Variants in WDPCP observed in about 807,000 individuals in gnomAD.
WDPCP encodes the protein WD repeat-containing and planar cell polarity effector protein fritz homolog.
In WDPCP, 71 loss-of-function variants were observed where a neutral mutation model predicts 93.1. The ratio of observed to expected loss-of-function variants is 0.76; its 90% confidence interval spans 0.63 to 0.93. The LOEUF (loss-of-function observed/expected upper bound fraction) is 0.93. Ranked by LOEUF, WDPCP falls within the 40% of genes least tolerant of loss-of-function variation. WDPCP has a pLI of 0.00. For synonymous variants in WDPCP, 315 were observed against 315.0 expected (o/e 1.00, Z 0.00); for missense variants, 844 against 887.4 (o/e 0.95, Z 0.62).
At chr2:63,236,369 G>C (rs989229722) in intron 14 of WDPCP, among the ~76,000 whole-genome samples, 1 of 152,152 alleles carries the variant, frequency 6.6e-6, no homozygotes, top group Admixed American at 6.5e-5. Context: ...GCATGGATTG[G>C]AAGAATTAAT....
chr2:63,349,202 T>C (rs1689408227), intron 12 of WDPCP, among the ~76,000 whole-genome samples: 1 of 152,196 alleles, frequency 6.6e-6, no homozygotes, highest in Non-Finnish European at 1.5e-5. Context: ...GGTTTTTTTT[T>C]CTAGAAATAT....
chr2:63,213,517 A>G (rs896010945), intron 14 of WDPCP, among the ~76,000 whole-genome samples: 1 of 152,216 alleles, frequency 6.6e-6, no homozygotes, highest in Non-Finnish European at 1.5e-5. Flanking sequence ...CACAAGAGAA[A>G]GCAGGAAAGA....
intron 1 of WDPCP, among the ~76,000 whole-genome samples, chr2:63,550,779 GTACATATATATGTATATATATATATACA>G (rs1334480500): frequency 1.1e-5 from 1 of 91,670 alleles, no homozygotes; most frequent in Non-Finnish European, 2.0e-5. Flanking sequence ...ATGTGCATAT[GTACATATATATGTATATATATATATACA>G]CACCCATAGA....
intron 1 of WDPCP, among the ~76,000 whole-genome samples, chr2:63,816,169 A>G (rs925481103): frequency 6.6e-6 from 1 of 152,216 alleles, no homozygotes; most frequent in African/African-American, 2.4e-5. Flanking sequence ...CACATTTTAT[A>G]TTAAGATAAT....
At chr2:63,681,876 G>C (rs1215085361) in intron 2 of WDPCP, among the ~76,000 whole-genome samples, 1 of 152,168 alleles carries the variant, frequency 6.6e-6, no homozygotes, top group Non-Finnish European at 1.5e-5. Context: ...AGTAAAGGAA[G>C]AGAACAAGAG....
At chr2:63,260,738 C>G (rs948465626) in intron 13 of WDPCP, among the ~76,000 whole-genome samples, 1 of 152,032 alleles carries the variant, frequency 6.6e-6, no homozygotes, top group Admixed American at 6.6e-5. Flanking sequence ...TTAGTAGAGA[C>G]GGGGTTTCAC....
In WDPCP at chr2:63,293,382, C is replaced by T. The variant is rs143176091; in HGVS notation, c.1812+19866G>A. Among the ~76,000 whole-genome samples, 156 of 152,102 alleles carry T rather than the reference C, an allele frequency of 1.0e-3. 5 individuals carry two copies. The East Asian group carries it at 0.015, about 15-fold the overall frequency. On this transcript the variant is annotated intron_variant, in intron 13 of 17. Coordinates refer to ENST00000272321, the MANE Select transcript of WDPCP (RefSeq NM_015910.7). Reference sequence around the variant, plus strand: ...TAAAACAATTGTAAAAACCCTAAAACGGTAATAAAAAACAGCAAACCCTGG... The same window carrying T: ...TAAAACAATTGTAAAAACCCTAAAATGGTAATAAAAAACAGCAAACCCTGG...
At chr2:63,252,744 C>T (rs912098899) in intron 14 of WDPCP, among the ~76,000 whole-genome samples, 1 of 151,826 alleles carries the variant, frequency 6.6e-6, no homozygotes, top group African/African-American at 2.4e-5. Flanking sequence ...TACAAAATAC[C>T]GCTGAAAGAA....
intron 1 of WDPCP, among the ~76,000 whole-genome samples, chr2:63,549,006 T>TA (rs993277880): frequency 1.3e-5 from 2 of 152,066 alleles, no homozygotes; most frequent in African/African-American, 4.8e-5. Flanking sequence ...CCCAGCATTT[T>TA]AGGAGGCAGA....
chr2:63,671,526 C>T (rs1226577151), intron 2 of WDPCP, among the ~76,000 whole-genome samples: 1 of 152,224 alleles, frequency 6.6e-6, no homozygotes, highest in African/African-American at 2.4e-5. Flanking sequence ...CATTTTCTTT[C>T]ACAAGTGGTC....
intron 2 of WDPCP, among the ~76,000 whole-genome samples, chr2:63,489,481 G>C (rs374841275): frequency 2.0e-5 from 3 of 152,082 alleles, no homozygotes; most frequent in African/African-American, 7.2e-5. Context: ...ACCTAAAGCA[G>C]AACTTGGCTT....
chr2:63,192,439 AG>A (rs1432757262), intron 14 of WDPCP, among the ~76,000 whole-genome samples: 3 of 152,322 alleles, frequency 2.0e-5, no homozygotes, highest in African/African-American at 7.2e-5. Flanking sequence ...GTTGCTAGGT[AG>A]GTAGGATAGA....
intron 3 of WDPCP, among the ~76,000 whole-genome samples, chr2:63,610,710 T>C (rs1709605334): frequency 6.6e-6 from 1 of 152,222 alleles, no homozygotes; most frequent in Non-Finnish European, 1.5e-5. Context: ...AATATATGTG[T>C]GTGCATGTAA....
At chr2:63,750,389 A>T (rs1007328115) in intron 2 of WDPCP, among the ~76,000 whole-genome samples, 2 of 152,068 alleles carry the variant, frequency 1.3e-5, no homozygotes, top group African/African-American at 2.4e-5. Flanking sequence ...ATTTTGGTTT[A>T]TTTCACGCAC....
chr2:63,574,988 T>C (rs540801702), intron 1 of WDPCP, among the ~76,000 whole-genome samples: 403 of 152,294 alleles, frequency 2.6e-3, no homozygotes, highest in African/African-American at 9.2e-3. Flanking sequence ...TATCATTTTA[T>C]ATTTTTTTGA....
chr2:63,238,996 A>C (rs1679642992), intron 14 of WDPCP, among the ~76,000 whole-genome samples: 1 of 152,158 alleles, frequency 6.6e-6, no homozygotes. Flanking sequence ...CTGAACATAC[A>C]GTTGGGAAGA....
chr2:63,507,088 G>C (rs577643166), intron 1 of WDPCP, among the ~76,000 whole-genome samples: 1 of 151,950 alleles, frequency 6.6e-6, no homozygotes, highest in African/African-American at 2.4e-5. Context: ...AAATTATGAA[G>C]AAATAATGCA....
intron 2 of WDPCP, among the ~76,000 whole-genome samples, chr2:63,796,630 G>C (rs1341733261): frequency 6.6e-6 from 1 of 152,200 alleles, no homozygotes; most frequent in African/African-American, 2.4e-5. Flanking sequence ...AAGCAACATG[G>C]GGCAGAAGTC....
At chr2:63,460,677 C>A (rs370993368) in intron 6 of WDPCP, among the ~76,000 whole-genome samples, 1 of 150,676 alleles carries the variant, frequency 6.6e-6, no homozygotes, top group African/African-American at 2.4e-5. Context: ...TTTTTTGAAA[C>A]GGAGTCTTGC....
Sources: gnomAD v4.1 joint callset for allele counts (sites outside exome capture counted in the v4.1 genomes callset) on GRCh38, gnomAD v4.1.1 for gene constraint, MANE v1.5 for transcripts, NCBI Gene and HGNC (gene_info 2026-07-23, HGNC 2026-07-21) for gene names.